Variants in CAT observed in about 807,000 individuals in gnomAD.
CAT encodes epididymis secretory sperm binding protein.
CAT carries 43 observed loss-of-function variants against 59.0 expected under a neutral mutation model. The observed-to-expected ratio is 0.73, with a 90% CI of 0.57 to 0.94. The LOEUF is 0.94. Ranked by LOEUF, CAT falls within the 40% of genes least tolerant of loss-of-function variation. The pLI is 0.00. For missense variants in CAT, 664 were observed against 682.9 expected (o/e 0.97, Z 0.31); for synonymous variants, 218 against 230.9 (o/e 0.94, Z 0.51).
chr11:34,459,613 G>A (rs1856627237), intron 8 of CAT, among the ~76,000 whole-genome samples: 1 of 152,208 alleles, frequency 6.6e-6, no homozygotes, highest in East Asian at 1.9e-4. Flanking sequence ...GGTCCAGCAA[G>A]GGAGTTCAGG....
At chr11:34,443,092 T>A (rs1856411553) in intron 1 of CAT, among the ~76,000 whole-genome samples, 1 of 152,144 alleles carries the variant, frequency 6.6e-6, no homozygotes, top group African/African-American at 2.4e-5. Context: ...TAAAAAAAAA[T>A]CTCCCCTTGC....
At chr11:34,462,104 T>A (rs1211324231) in intron 9 of CAT, among the ~76,000 whole-genome samples, 1 of 152,130 alleles carries the variant, frequency 6.6e-6, no homozygotes, top group Non-Finnish European at 1.5e-5. Flanking sequence ...TTCTAATAAG[T>A]CAAGCAGAAT....
At chr11:34,445,169 T>G (rs1418017305) in intron 1 of CAT, among the ~76,000 whole-genome samples, 1 of 151,870 alleles carries the variant, frequency 6.6e-6, no homozygotes, top group Admixed American at 6.6e-5. Flanking sequence ...TATATAGATG[T>G]AAAAGGAGTA....
chr11:34,444,815 C>G (rs960575073), intron 1 of CAT, among the ~76,000 whole-genome samples: 1 of 152,186 alleles, frequency 6.6e-6, no homozygotes, highest in African/African-American at 2.4e-5. Context: ...TGTATTAGCT[C>G]TGGCCAAAAG....
chr11:34,469,821 A>G (rs538426826), intron 11 of CAT, among the ~76,000 whole-genome samples: 2 of 152,048 alleles, frequency 1.3e-5, no homozygotes, highest in South Asian at 4.2e-4. Flanking sequence ...ATGCCCCACC[A>G]TGCCCGACTA....
intron 9 of CAT, among the ~76,000 whole-genome samples, chr11:34,462,543 C>T (rs757058514): frequency 4.9e-4 from 75 of 152,150 alleles, no homozygotes; most frequent in Non-Finnish European, 7.9e-4. Context: ...CATGCCTCAG[C>T]CTCCCGAGTA....
At chr11:34,451,875 A>G (rs2076556) in intron 3 of CAT, among the ~76,000 whole-genome samples, 18,304 of 152,172 alleles carry the variant, frequency 0.12, 1,372 homozygotes, top group Admixed American at 0.21. Context: ...GTGTTCTCTT[A>G]TTGCTCTCAA....
chr11:34,445,522 A>AAT (rs1856441888), intron 1 of CAT, among the ~76,000 whole-genome samples: 2 of 147,622 alleles, frequency 1.4e-5, no homozygotes, highest in Non-Finnish European at 3.0e-5. Flanking sequence ...AAAAAAAAAA[A>AAT]GAAAAACAGT....
chr11:34,463,216 A>C (rs1856670830), intron 9 of CAT, among the ~76,000 whole-genome samples: 1 of 152,254 alleles, frequency 6.6e-6, no homozygotes, highest in Non-Finnish European at 1.5e-5. Flanking sequence ...CAGCCAAAGC[A>C]TAGTTGAGAA....
intron 1 of CAT, 144 bp downstream of exon 1, chr11:34,439,223 G>C (rs2133174497): frequency 1.3e-6 from 1 of 779,664 alleles, no homozygotes; most frequent in African/African-American, 1.7e-5. Flanking sequence ...CTTCGGTGCA[G>C]ACGGACTTTT....
At chr11:34,463,971 GTTGTGTTTAT>G (rs1160474778) in intron 9 of CAT, 124 bp from the exon 10 acceptor site, 100 of 888,920 alleles carry the variant, frequency 1.1e-4, no homozygotes, top group Middle Eastern at 4.3e-4. Flanking sequence ...ATATGTGTGC[GTTGTGTTTAT>G]ATCTGTGTAT....
At chr11:34,443,082 T>TA (rs914323545) in intron 1 of CAT, among the ~76,000 whole-genome samples, 13 of 151,760 alleles carry the variant, frequency 8.6e-5, no homozygotes, top group Non-Finnish European at 1.2e-4. Flanking sequence ...CAGATGGTAT[T>TA]AAAAAAAAAT....
At chr11:34,468,247 T>C (rs761468444) in intron 10 of CAT, 41 bp from the exon 11 acceptor site, 2 of 1,387,370 alleles carry the variant, frequency 1.4e-6, no homozygotes, top group South Asian at 2.3e-5. Flanking sequence ...GGTGATAAAC[T>C]GGTGATTCAA....
intron 10 of CAT, among the ~76,000 whole-genome samples, chr11:34,465,664 T>G (rs892883723): frequency 6.6e-6 from 1 of 152,230 alleles, no homozygotes; most frequent in Non-Finnish European, 1.5e-5. Flanking sequence ...ATACTATTGT[T>G]ATAGATTCAT....
At chr11:34,462,995 T>C (rs2284367) in intron 9 of CAT, among the ~76,000 whole-genome samples, 34,298 of 152,146 alleles carry the variant, frequency 0.23, 4,296 homozygotes, top group East Asian at 0.48. Flanking sequence ...TATAATAGTA[T>C]GGTGTTCTTC....
chr11:34,470,023 A>G (rs970388398), intron 11 of CAT, among the ~76,000 whole-genome samples: 2 of 152,092 alleles, frequency 1.3e-5, no homozygotes, highest in Non-Finnish European at 2.9e-5. Context: ...TTTGACAGTA[A>G]CTGTGTGTCC....
intron 10 of CAT, among the ~76,000 whole-genome samples, chr11:34,464,620 C>T (rs1019126010): frequency 6.6e-6 from 1 of 152,040 alleles, no homozygotes; most frequent in African/African-American, 2.4e-5. Flanking sequence ...CAAAATAGCT[C>T]CAGGAGCCTC....
At chr11:34,461,228 G>A (rs779689045) in intron 8 of CAT, 23 bp from the exon 9 acceptor site, 6 of 1,613,626 alleles carry the variant, frequency 3.7e-6, no homozygotes, top group Admixed American at 3.3e-5. Flanking sequence ...CCTAGTCAGT[G>A]TCTATTGTAT....
chr11:34,459,476 A>G (rs1230402329), intron 8 of CAT, among the ~76,000 whole-genome samples: 1 of 152,160 alleles, frequency 6.6e-6, no homozygotes, highest in Admixed American at 6.5e-5. Context: ...TCATAGAGAG[A>G]CTGTCCTGTC....
Sources: allele counts gnomAD v4.1 joint callset (sites outside exome capture counted in the v4.1 genomes callset), GRCh38; gene constraint gnomAD v4.1.1; transcripts MANE v1.5; gene names NCBI Gene and HGNC (gene_info 2026-07-23, HGNC 2026-07-21).